The following NRXN1 variants were observed in gnomAD, a reference collection of about 807,000 sequenced individuals.
NRXN1 encodes the protein neurexin-1.
NRXN1 carries 39 observed loss-of-function variants against 150.9 expected under a neutral mutation model. The observed-to-expected ratio is 0.26, with a 90% CI of 0.20 to 0.34. NRXN1 has a LOEUF of 0.34. Among genes scored for constraint, NRXN1 ranks in the 10% least tolerant of loss-of-function variants. The pLI is 1.00. For missense variants in NRXN1, 1,815 were observed against 1,949.9 expected (o/e 0.93, Z 1.30); for synonymous variants, 924 against 757.0 (o/e 1.22, Z -3.62).
chr2:50,822,430 C>A (rs1430104360), intron 5 of NRXN1, among the ~76,000 whole-genome samples: 4 of 152,072 alleles, frequency 2.6e-5, no homozygotes, highest in Non-Finnish European at 5.9e-5. Context: ...TAAGGAAAGT[C>A]TTAAAAATAA....
chr2:50,236,588 A>G (rs2065456362), intron 18 of NRXN1, among the ~76,000 whole-genome samples: 1 of 152,000 alleles, frequency 6.6e-6, no homozygotes, highest in Non-Finnish European at 1.5e-5. Context: ...AAAAAAAAAA[A>G]AAAAAAGTTT....
intron 5 of NRXN1, among the ~76,000 whole-genome samples, chr2:50,757,306 G>A (rs532240747): frequency 1.3e-5 from 2 of 151,600 alleles, no homozygotes; most frequent in East Asian, 3.9e-4. Context: ...GCATGTGCAA[G>A]AGAAAAAAAG....
chr2:50,161,329 C>G (rs894876104), intron 18 of NRXN1, among the ~76,000 whole-genome samples: 11 of 152,134 alleles, frequency 7.2e-5, no homozygotes, highest in African/African-American at 2.2e-4. Flanking sequence ...CCATTCCTGG[C>G]AAAATCTGGA....
At chr2:50,206,272 T>C (rs976983059) in intron 18 of NRXN1, among the ~76,000 whole-genome samples, 1 of 151,202 alleles carries the variant, frequency 6.6e-6, no homozygotes. Context: ...CAACAATTTT[T>C]TTCCTAACTA....
chr2:50,136,194 G>A (rs1706377269), intron 18 of NRXN1, among the ~76,000 whole-genome samples: 2 of 152,170 alleles, frequency 1.3e-5, no homozygotes, highest in Non-Finnish European at 2.9e-5. Context: ...CAGCTGTAGA[G>A]GGAGAGCATA....
intron 5 of NRXN1, among the ~76,000 whole-genome samples, chr2:50,742,684 G>A (rs930748519): frequency 7.9e-5 from 12 of 151,486 alleles, no homozygotes; most frequent in Non-Finnish European, 1.5e-4. Flanking sequence ...ATATCTCAAC[G>A]TTCTAATTCA....
intron 17 of NRXN1, among the ~76,000 whole-genome samples, chr2:50,384,361 C>T (rs1009210444): frequency 3.9e-5 from 6 of 151,944 alleles, no homozygotes; most frequent in African/African-American, 1.4e-4. Context: ...AAAAAGTTAG[C>T]CAAGTGTGGT....
intron 2 of NRXN1, among the ~76,000 whole-genome samples, chr2:51,022,565 G>T (rs550094685): frequency 6.6e-6 from 1 of 152,142 alleles, no homozygotes; most frequent in East Asian, 1.9e-4. Context: ...TACTTTAAGA[G>T]TTTCCCAGAA....
chr2:50,096,913 A>T, intron 18 of NRXN1, among the ~76,000 whole-genome samples: 1 of 152,350 alleles, frequency 6.6e-6, no homozygotes, highest in Middle Eastern at 3.4e-3. Context: ...TGTTTTAACT[A>T]AGATTAAGAT....
intron 5 of NRXN1, chr2:50,917,449 G>A (rs1158077218): frequency 6.6e-6 from 1 of 151,660 alleles, no homozygotes; most frequent in East Asian, 1.9e-4. Context: ...AGCAACACAG[G>A]ACTTGAAAAT....
chr2:50,061,668 G>C (rs1694555246), intron 19 of NRXN1, among the ~76,000 whole-genome samples: 2 of 152,116 alleles, frequency 1.3e-5, no homozygotes, highest in African/African-American at 4.8e-5. Context: ...GAGCAAATAG[G>C]CTTGATTTAT....
chr2:50,388,556 G>A (rs1311948327), intron 17 of NRXN1, among the ~76,000 whole-genome samples: 1 of 152,074 alleles, frequency 6.6e-6, no homozygotes, highest in Non-Finnish European at 1.5e-5. Flanking sequence ...AACATCTTCC[G>A]GAAATGCTTC....
chr2:49,999,011 C>A (rs903825592), intron 21 of NRXN1, among the ~76,000 whole-genome samples: 4 of 149,390 alleles, frequency 2.7e-5, no homozygotes, highest in African/African-American at 9.8e-5. Flanking sequence ...CGATGCTTCT[C>A]GTACTTTAGT....
chr2:50,297,051 TATTTTGTA>T (rs2073669723), intron 17 of NRXN1, among the ~76,000 whole-genome samples: 1 of 118,006 alleles, frequency 8.5e-6, no homozygotes, highest in Non-Finnish European at 1.7e-5. Flanking sequence ...CCCAGCTAAT[TATTTTGTA>T]TTTTTATTTT....
intron 5 of NRXN1, among the ~76,000 whole-genome samples, chr2:50,783,828 G>A (rs1321437561): frequency 6.6e-6 from 1 of 152,066 alleles, no homozygotes; most frequent in Non-Finnish European, 1.5e-5. Context: ...GGCTTTGACA[G>A]GAATTATAGG....
chr2:50,985,709 T>A (rs560757278), intron 2 of NRXN1, among the ~76,000 whole-genome samples: 1 of 151,392 alleles, frequency 6.6e-6, no homozygotes, highest in African/African-American at 2.4e-5. Flanking sequence ...TACAGGAGAA[T>A]TGAGATATGG....
chr2:50,671,913 G>A (rs566572825), intron 5 of NRXN1, among the ~76,000 whole-genome samples: 3 of 151,874 alleles, frequency 2.0e-5, no homozygotes, highest in Admixed American at 6.6e-5. Flanking sequence ...AGCTTATTAC[G>A]ATTTAAAATT....
At chr2:50,632,707 A>C (rs1315583840) in intron 5 of NRXN1, 1 of 152,100 alleles carries the variant, frequency 6.6e-6, no homozygotes, top group Non-Finnish European at 1.5e-5. Flanking sequence ...ATCTGAAATA[A>C]GTATTAAAGG....
chr2:50,877,208 CATAT>C (rs566494591), intron 5 of NRXN1, among the ~76,000 whole-genome samples: 5 of 151,648 alleles, frequency 3.3e-5, no homozygotes, highest in Admixed American at 1.3e-4. Context: ...CACACACACA[CATAT>C]ATATACACAC....
Sources: allele counts gnomAD v4.1 joint callset (sites outside exome capture counted in the v4.1 genomes callset), GRCh38; gene constraint gnomAD v4.1.1; transcripts MANE v1.5; gene names NCBI Gene and HGNC (gene_info 2026-07-23, HGNC 2026-07-21).